The following NRXN1 variants were observed in gnomAD, a reference collection of about 807,000 sequenced individuals.
NRXN1 encodes neurexin-1.
NRXN1 carries 39 observed loss-of-function variants against 150.9 expected under a neutral mutation model. That is an observed-to-expected ratio of 0.26 (90% CI 0.20 to 0.34). The LOEUF (loss-of-function observed/expected upper bound fraction) is 0.34. Ranked by LOEUF, NRXN1 falls within the 10% of genes least tolerant of loss-of-function variation. The pLI, the probability that NRXN1 is intolerant of heterozygous loss-of-function variation, is 1.00. For synonymous variants in NRXN1, 924 were observed against 757.0 expected, an observed-to-expected ratio of 1.22 and a Z score of -3.62; for missense variants, 1,815 against 1,949.9, an observed-to-expected ratio of 0.93 and a Z score of 1.30.
At chr2:50,607,027 T>C (rs527273497) in intron 8 of NRXN1, among the ~76,000 whole-genome samples, 1 of 152,264 alleles carries the variant, frequency 6.6e-6, no homozygotes, top group Admixed American at 6.5e-5. Context: ...GTTATTGTCA[T>C]CTAACGAAGC....
At chr2:50,827,036 G>C (rs1334647412) in intron 5 of NRXN1, among the ~76,000 whole-genome samples, 2 of 152,174 alleles carry the variant, frequency 1.3e-5, no homozygotes, top group African/African-American at 4.8e-5. Flanking sequence ...TGCCACAGCA[G>C]AAAGTGTTTG....
At chr2:50,297,892 G>A (rs2073772017) in intron 17 of NRXN1, among the ~76,000 whole-genome samples, 1 of 152,084 alleles carries the variant, frequency 6.6e-6, no homozygotes, top group Non-Finnish European at 1.5e-5. Flanking sequence ...GGCAACATGG[G>A]TGACCTGAGC....
chr2:50,130,385 T>A (rs965759281), intron 18 of NRXN1, among the ~76,000 whole-genome samples: 1 of 152,076 alleles, frequency 6.6e-6, no homozygotes, highest in Non-Finnish European at 1.5e-5. Flanking sequence ...TCAGAAGGAA[T>A]CAACATGTAG....
At chr2:50,797,597 C>G (rs1202916313) in intron 5 of NRXN1, among the ~76,000 whole-genome samples, 1 of 152,108 alleles carries the variant, frequency 6.6e-6, no homozygotes, top group African/African-American at 2.4e-5. Flanking sequence ...TACATATTAT[C>G]TATGCAAACT....
At chr2:50,295,398 T>C (rs1454010641) in intron 17 of NRXN1, among the ~76,000 whole-genome samples, 1 of 152,222 alleles carries the variant, frequency 6.6e-6, no homozygotes, top group African/African-American at 2.4e-5. Flanking sequence ...TCATGTTTTC[T>C]ATTTTTCTTC....
intron 21 of NRXN1, among the ~76,000 whole-genome samples, chr2:49,997,729 G>T (rs2152528944): frequency 6.6e-6 from 1 of 152,108 alleles, no homozygotes; most frequent in African/African-American, 2.4e-5. Flanking sequence ...TTCCCCAAGG[G>T]TATATAAGTT....
At position 50,538,661 on chromosome 2, in the gene NRXN1, C is replaced by A. The variant is rs545775802; in HGVS notation, c.1760-25G>T. ...CCTATTTCAAAGAGAGGAGAATGCA[C>A]AGGTCTTTAAAAAGCACCAACGTGT... On this transcript the variant is annotated intron_variant, in intron 9 of 22. Transcript: ENST00000401669. 42 of 1,443,256 alleles carry A rather than the reference C, an allele frequency of 2.9e-5. No homozygotes were observed. The South Asian group carries it at 5.9e-4, about 20-fold the overall frequency. 89.4% of individuals were successfully genotyped at this position (1,443,256 alleles called of 1,614,324 possible).
At chr2:50,434,043 A>ATTTTTTT (rs748364051) in intron 17 of NRXN1, among the ~76,000 whole-genome samples, 4 of 72,152 alleles carry the variant, frequency 5.5e-5, no homozygotes, top group Admixed American at 1.7e-4. Context: ...TATCTAAGCC[A>ATTTTTTT]TTTTTTTTTT....
chr2:50,246,599 G>A (rs1444553154), intron 17 of NRXN1, among the ~76,000 whole-genome samples: 1 of 151,888 alleles, frequency 6.6e-6, no homozygotes, highest in Non-Finnish European at 1.5e-5. Flanking sequence ...GGAACAGAAG[G>A]GAATATTAGT....
intron 17 of NRXN1, among the ~76,000 whole-genome samples, chr2:50,429,181 C>T (rs1258538229): frequency 1.3e-5 from 2 of 152,042 alleles, no homozygotes; most frequent in Non-Finnish European, 2.9e-5. Flanking sequence ...CGACTCCTAA[C>T]CTGAGAGGTT....
chr2:50,643,030 A>C (rs1270437825), intron 5 of NRXN1, among the ~76,000 whole-genome samples: 1 of 152,062 alleles, frequency 6.6e-6, no homozygotes, highest in Non-Finnish European at 1.5e-5. Flanking sequence ...GATTGTTTAA[A>C]AATACTATAT....
intron 15 of NRXN1, among the ~76,000 whole-genome samples, chr2:50,493,389 G>T (rs947238394): frequency 2.0e-5 from 3 of 152,274 alleles, no homozygotes; most frequent in Non-Finnish European, 4.4e-5. Context: ...GGTGGTCCCA[G>T]CTTGGTTTCA....
intron 18 of NRXN1, among the ~76,000 whole-genome samples, chr2:50,128,983 C>CGATA (rs34350062): frequency 0.17 from 24,286 of 146,822 alleles, 2,423 homozygotes; most frequent in East Asian, 0.34. Flanking sequence ...GACTCCATCT[C>CGATA]AATAAATAAA....
At chr2:50,005,737 C>T (rs936873191) in intron 21 of NRXN1, among the ~76,000 whole-genome samples, 2 of 152,068 alleles carry the variant, frequency 1.3e-5, no homozygotes, top group African/African-American at 4.8e-5. Flanking sequence ...TATTCACTTC[C>T]CTGCATTCTA....
intron 5 of NRXN1, among the ~76,000 whole-genome samples, chr2:50,905,565 A>G (rs116258469): frequency 2.0e-5 from 3 of 152,072 alleles, no homozygotes; most frequent in South Asian, 2.1e-4. Context: ...ATCCCTCACT[A>G]TAATCATGCT....
intron 5 of NRXN1, among the ~76,000 whole-genome samples, chr2:50,635,667 T>C (rs961117575): frequency 2.6e-5 from 4 of 152,126 alleles, no homozygotes; most frequent in African/African-American, 4.8e-5. Flanking sequence ...CAATTACTTT[T>C]GGTAAAAAAA....
At chr2:50,330,008 T>C (rs1575110284) in intron 17 of NRXN1, among the ~76,000 whole-genome samples, 1 of 151,976 alleles carries the variant, frequency 6.6e-6, no homozygotes, top group East Asian at 1.9e-4. Context: ...AAAATCTATC[T>C]GTCCAATATC....
At chr2:50,963,111 T>C (rs897356810) in intron 2 of NRXN1, among the ~76,000 whole-genome samples, 18 of 151,706 alleles carry the variant, frequency 1.2e-4, no homozygotes, top group Admixed American at 1.1e-3. Flanking sequence ...GAGAAAAGCA[T>C]GTGTTGCAAG....
chr2:50,556,717 G>T (rs1008487316), intron 8 of NRXN1, among the ~76,000 whole-genome samples: 2 of 152,176 alleles, frequency 1.3e-5, no homozygotes, highest in African/African-American at 2.4e-5. Flanking sequence ...TGATCTTAAT[G>T]ATAATCCTGA....
Sources: allele counts gnomAD v4.1 joint callset (sites outside exome capture counted in the v4.1 genomes callset), GRCh38; gene constraint gnomAD v4.1.1; transcripts MANE v1.5; gene names NCBI Gene and HGNC (gene_info 2026-07-23, HGNC 2026-07-21).